FOXP1: variants seen among roughly 807,000 people sequenced by gnomAD.
FOXP1 encodes the protein forkhead box protein P1.
A neutral mutation model predicts 98.2 loss-of-function variants in FOXP1; 15 were observed. The observed-to-expected ratio is 0.15, with a 90% confidence interval of 0.10 to 0.24. The LOEUF (loss-of-function observed/expected upper bound fraction) is 0.24, where lower values mean the gene tolerates loss of function less well. FOXP1 is among the 10% of genes least tolerant of loss of function. FOXP1 has a pLI of 1.00. For missense variants in FOXP1, 633 were observed against 848.5 expected (o/e 0.75, Z 3.15); for synonymous variants, 371 against 314.5 (o/e 1.18, Z -1.90).
At chr3:71,028,822 T>C (rs1372147005) in intron 11 of FOXP1, among the ~76,000 whole-genome samples, 2 of 152,158 alleles carry the variant, frequency 1.3e-5, no homozygotes, top group African/African-American at 4.8e-5. Flanking sequence ...GTGGGGGTAA[T>C]GGGAGACAGT....
intron 2 of FOXP1, chr3:71,581,139 A>C: frequency 1.0e-6 from 1 of 981,740 alleles, no homozygotes; most frequent in Non-Finnish European, 1.2e-6. Flanking sequence ...AAAATGAATT[A>C]AGACGAAAGC....
At position 71,453,834 on chromosome 3, in the gene FOXP1, G is replaced by C. The variant is rs1449108655; in HGVS notation, c.-168+39592C>G. On this transcript the variant is annotated intron_variant, in intron 3 of 20. Transcript: ENST00000649528. ...ACATCCTAATAGCTTCTGCCTTCTA[G>C]AGATAAAAATATAAAGTATTTATGG... 2.6e-5 allele frequency among the ~76,000 whole-genome samples: 4 copies of C among 152,118 alleles called. No individual in the cohort carries two copies. The East Asian group carries it at 7.7e-4, about 29-fold the overall frequency.
intron 13 of FOXP1, among the ~76,000 whole-genome samples, chr3:70,991,081 A>T (rs540174415): frequency 5.3e-5 from 8 of 151,722 alleles, no homozygotes; most frequent in Admixed American, 2.6e-4. Context: ...AGAAAAGTGA[A>T]ATCGGTCCAG....
At chr3:71,348,634 AT>A (rs2077568687) in intron 4 of FOXP1, among the ~76,000 whole-genome samples, 1 of 151,848 alleles carries the variant, frequency 6.6e-6, no homozygotes, top group Non-Finnish European at 1.5e-5. Context: ...GCATGTGTGT[AT>A]AAGTCACACA....
At chr3:71,022,168 T>A (rs373219969) in intron 11 of FOXP1, among the ~76,000 whole-genome samples, 5 of 152,354 alleles carry the variant, frequency 3.3e-5, no homozygotes, top group Admixed American at 6.5e-5. Context: ...TCATTTTTTT[T>A]AATGTTGTCC....
intron 3 of FOXP1, among the ~76,000 whole-genome samples, chr3:71,390,114 A>G (rs1167861604): frequency 6.6e-6 from 1 of 152,222 alleles, no homozygotes; most frequent in African/African-American, 2.4e-5. Context: ...GAAAGGTAAC[A>G]GTAGTGTCAG....
At chr3:71,116,175 C>A (rs1396569747) in intron 6 of FOXP1, among the ~76,000 whole-genome samples, 1 of 152,140 alleles carries the variant, frequency 6.6e-6, no homozygotes, top group Non-Finnish European at 1.5e-5. Flanking sequence ...CTACTGGGAT[C>A]CTCAGATTTA....
chr3:70,975,268 C>T (rs2037255781), intron 17 of FOXP1, among the ~76,000 whole-genome samples: 1 of 152,160 alleles, frequency 6.6e-6, no homozygotes, highest in Non-Finnish European at 1.5e-5. Flanking sequence ...CTTCGACTTC[C>T]TAAATTTTTT....
chr3:71,494,884 T>C (rs1476072235), intron 2 of FOXP1, among the ~76,000 whole-genome samples: 5 of 145,956 alleles, frequency 3.4e-5, no homozygotes. Flanking sequence ...GGCTCAGACA[T>C]GCTCCCTAAA....
Position 70,958,038 on chromosome 3 carries a change from C to T in FOXP1, c.*1209G>A, listed in dbSNP as rs886058846. On this transcript the variant is annotated 3_prime_UTR_variant, in exon 21 of 21. Coordinates refer to ENST00000649528, the MANE Select transcript of FOXP1 (RefSeq NM_001349338.3). ...AACAAAACCAACCCACACCCGTTAT[C>T]GCAGAGCACCCAAGGCCCATGGCAA... The T allele has an allele frequency of 2.7e-5, 7 of 255,350 alleles. No homozygotes were observed. Among genetic ancestry groups the T allele is most frequent in the Non-Finnish European group, 4.6e-5 (6 of 131,058 alleles). 15.8% of individuals were successfully genotyped at this position (255,350 alleles called of 1,614,324 possible).
chr3:71,168,177 A>C (rs1489508598), intron 6 of FOXP1, among the ~76,000 whole-genome samples: 2 of 152,208 alleles, frequency 1.3e-5, no homozygotes, highest in Non-Finnish European at 2.9e-5. Flanking sequence ...AAATTACCGA[A>C]TTTCGCAACT....
chr3:71,480,160 G>A (rs770019542), intron 3 of FOXP1, among the ~76,000 whole-genome samples: 2 of 152,176 alleles, frequency 1.3e-5, no homozygotes, highest in African/African-American at 2.4e-5. Flanking sequence ...CTGCACTCTA[G>A]CCTGGGTGAC....
rs1272599711 is a variant in FOXP1 at position 70,955,559 on chromosome 3, C to T, written c.*3688G>A. On this transcript the variant is annotated 3_prime_UTR_variant, in exon 21 of 21. Transcript: ENST00000649528. The stretch of plus-strand genomic sequence containing the variant: ...GTAACAGATTTTCTTTACATCTTGG[C>T]ACCTTGTAAAGTTTTTTTTTTTTTA... 2.2e-5 allele frequency: 5 copies of T among 228,946 alleles called. No homozygotes were observed. The highest frequency in any genetic ancestry group is 6.2e-5 in the East Asian group (1 of 16,038). 14.2% of individuals were successfully genotyped at this position (228,946 alleles called of 1,614,324 possible). A position where few individuals can be genotyped will look rare whatever the true frequency, so the allele number is the denominator to read the frequency against.
At chr3:71,336,073 A>T (rs1470235137) in intron 4 of FOXP1, among the ~76,000 whole-genome samples, 1 of 146,482 alleles carries the variant, frequency 6.8e-6, no homozygotes, top group Non-Finnish European at 1.5e-5. Flanking sequence ...ACATTCTGTC[A>T]TAGCAGGGAG....
At chr3:71,353,831 G>A (rs1040287110) in intron 4 of FOXP1, among the ~76,000 whole-genome samples, 3 of 152,136 alleles carry the variant, frequency 2.0e-5, no homozygotes, top group Non-Finnish European at 4.4e-5. Flanking sequence ...CACTGACATG[G>A]TGGAACAATA....
rs1307644871 is a variant in FOXP1, at chr3:71,431,158, A to G, written c.-168+62268T>C. On this transcript the variant is annotated intron_variant, in intron 3 of 20. Transcript: ENST00000649528. ...AGGTCGATCTGCAAATGAGCCATGCAAAGACAGCACAGACAAAAGGAATCC... is the reference window on the plus strand; with the variant it reads ...AGGTCGATCTGCAAATGAGCCATGCGAAGACAGCACAGACAAAAGGAATCC... Among the ~76,000 whole-genome samples, 7 of 152,264 alleles carry G rather than the reference A, an allele frequency of 4.6e-5. No individual in the cohort carries two copies. The East Asian group carries it at 1.4e-3, about 29-fold the overall frequency.
At chr3:71,567,371 C>T (rs1223618057) in intron 2 of FOXP1, among the ~76,000 whole-genome samples, 3 of 151,966 alleles carry the variant, frequency 2.0e-5, no homozygotes, top group Non-Finnish European at 4.4e-5. Flanking sequence ...TAAACCGAAA[C>T]GCAGAGACTC....
intron 2 of FOXP1, among the ~76,000 whole-genome samples, chr3:71,532,277 T>G (rs933491284): frequency 2.0e-5 from 3 of 152,106 alleles, no homozygotes; most frequent in Non-Finnish European, 4.4e-5. Context: ...TTGTATTTTT[T>G]GTAGAGACGG....
chr3:71,087,958 G>A lies in FOXP1; in HGVS notation c.282+24578C>T, dbSNP rs143762480. ...AAAGGGGAAATACACACTAGACTAGGCCACGGCATAATGTACCTCCCATGT... is the reference window on the plus strand; with the variant it reads ...AAAGGGGAAATACACACTAGACTAGACCACGGCATAATGTACCTCCCATGT... On this transcript the variant is annotated intron_variant, in intron 7 of 20. Coordinates refer to ENST00000649528, the MANE Select transcript of FOXP1 (RefSeq NM_001349338.3). 4.6e-5 allele frequency among the ~76,000 whole-genome samples: 7 copies of A among 152,282 alleles called. No homozygotes were observed. In the East Asian group the frequency reaches 1.3e-3, roughly 29 times the overall value.
Sources: gnomAD v4.1 joint callset for allele counts (sites outside exome capture counted in the v4.1 genomes callset) on GRCh38, gnomAD v4.1.1 for gene constraint, MANE v1.5 for transcripts, NCBI Gene and HGNC (gene_info 2026-07-23, HGNC 2026-07-21) for gene names.